Variants in ANXA7 observed in about 807,000 individuals in gnomAD.
ANXA7 encodes the protein annexin VII.
In ANXA7, 55 loss-of-function variants were observed where a neutral mutation model predicts 64.9. The ratio of observed to expected loss-of-function variants is 0.85; its 90% CI spans 0.68 to 1.06. The LOEUF (loss-of-function observed/expected upper bound fraction) is 1.06. Among genes scored for constraint, ANXA7 ranks in the 50% least tolerant of loss-of-function variants. The pLI, the probability that ANXA7 is intolerant of heterozygous loss-of-function variation, is 0.00. For missense variants in ANXA7, 548 were observed against 582.1 expected, an observed-to-expected ratio of 0.94 and a Z score of 0.60; for synonymous variants, 200 against 192.4, an observed-to-expected ratio of 1.04 and a Z score of -0.33.
chr10:73,385,579 GT>G (rs1213479979), intron 7 of ANXA7, among the ~76,000 whole-genome samples: 11 of 152,214 alleles, frequency 7.2e-5, no homozygotes, highest in Non-Finnish European at 1.5e-4. Flanking sequence ...GAAAAACAGT[GT>G]TTTACTAATT....
chr10:73,391,719 G>C (rs2055486364), intron 5 of ANXA7, among the ~76,000 whole-genome samples: 3 of 152,094 alleles, frequency 2.0e-5, no homozygotes, highest in Admixed American at 6.5e-5. Context: ...TCCCATCTAA[G>C]ACAAAAATTT....
At chr10:73,396,064 A>T (rs2055568193) in intron 5 of ANXA7, 1 of 1,595,164 alleles carries the variant, frequency 6.3e-7, no homozygotes, top group Admixed American at 1.7e-5. Context: ...TAATCCAAAG[A>T]AACAGGAGAG....
At chr10:73,397,726 G>A (rs565905650) in intron 3 of ANXA7, among the ~76,000 whole-genome samples, 9 of 152,228 alleles carry the variant, frequency 5.9e-5, no homozygotes, top group Admixed American at 2.0e-4. Context: ...CCAAAGTGTC[G>A]GGATTACAGG....
At chr10:73,383,375 A>G (rs1445212001) in intron 8 of ANXA7, 30 bp from the exon 9 acceptor site, 1 of 1,568,266 alleles carries the variant, frequency 6.4e-7, no homozygotes, top group East Asian at 2.3e-5. Flanking sequence ...GATTATACAA[A>G]GAAAAATGAA....
chr10:73,390,980 G>A (rs11000638), intron 5 of ANXA7, among the ~76,000 whole-genome samples: 15,795 of 150,960 alleles, frequency 0.1, 1,189 homozygotes, highest in East Asian at 0.3. Context: ...GACCATCCTG[G>A]CCAACATGGT....
At chr10:73,387,121 T>C (rs183277549) in intron 7 of ANXA7, among the ~76,000 whole-genome samples, 8 of 152,336 alleles carry the variant, frequency 5.3e-5, no homozygotes, top group Admixed American at 3.3e-4. Flanking sequence ...TTGATCATGA[T>C]TGTAGTTGTG....
intron 5 of ANXA7, among the ~76,000 whole-genome samples, chr10:73,390,699 T>TATATATATATATATATATATAAAA (rs1263872028): frequency 2.8e-4 from 37 of 132,582 alleles, no homozygotes; most frequent in Admixed American, 1.6e-3. Context: ...GTAAAATATA[T>TATATATATATATATATATATAAAA]ATATATATAT....
At chr10:73,385,331 T>G (rs1343282197) in intron 7 of ANXA7, among the ~76,000 whole-genome samples, 1 of 152,152 alleles carries the variant, frequency 6.6e-6, no homozygotes, top group Non-Finnish European at 1.5e-5. Context: ...ACAAAGAAGC[T>G]ATAGATGAAA....
intron 9 of ANXA7, 67 bp from the exon 10 acceptor site, chr10:73,380,268 T>C (rs1297272415): frequency 2.7e-6 from 4 of 1,472,988 alleles, no homozygotes; most frequent in Middle Eastern, 1.8e-4. Flanking sequence ...TTTTTTCCAA[T>C]CTAGTTCACT....
chr10:73,396,610 A>G (rs756943305), intron 4 of ANXA7, 27 bp from the exon 5 acceptor site: 4 of 1,442,244 alleles, frequency 2.8e-6, no homozygotes, highest in Non-Finnish European at 3.9e-6. Context: ...AATAATAATA[A>G]TACGGCAACA....
At chr10:73,393,369 A>T (rs1376474298) in intron 5 of ANXA7, among the ~76,000 whole-genome samples, 1 of 152,192 alleles carries the variant, frequency 6.6e-6, no homozygotes, top group Admixed American at 6.5e-5. Context: ...TTTAAAGTTC[A>T]TATGGAACCA....
intron 1 of ANXA7, among the ~76,000 whole-genome samples, chr10:73,401,645 G>T (rs565092156): frequency 6.6e-6 from 1 of 152,100 alleles, no homozygotes; most frequent in African/African-American, 2.4e-5. Flanking sequence ...GATTACAGGC[G>T]TCTGCCACCA....
intron 5 of ANXA7, chr10:73,396,025 A>G (rs1265836822): frequency 1.3e-6 from 2 of 1,507,986 alleles, no homozygotes; most frequent in East Asian, 2.3e-5. Context: ...ATTAGTAAAC[A>G]TTAGAAAACC....
intron 11 of ANXA7, among the ~76,000 whole-genome samples, chr10:73,379,505 T>C (rs892384845): frequency 2.6e-5 from 4 of 152,234 alleles, no homozygotes; most frequent in Non-Finnish European, 5.9e-5. Flanking sequence ...TTTTGAGGAC[T>C]CAAACTGCTT....
intron 1 of ANXA7, among the ~76,000 whole-genome samples, chr10:73,407,587 G>T (rs776513738): frequency 6.6e-6 from 1 of 152,130 alleles, no homozygotes; most frequent in Admixed American, 6.5e-5. Context: ...ATATGTTTTG[G>T]CACTTTTCAT....
intron 5 of ANXA7, among the ~76,000 whole-genome samples, chr10:73,389,184 T>C (rs773663153): frequency 2.6e-5 from 4 of 152,188 alleles, no homozygotes; most frequent in Non-Finnish European, 5.9e-5. Flanking sequence ...CAAAAAGGCA[T>C]GACCTGGATT....
intron 5 of ANXA7, among the ~76,000 whole-genome samples, chr10:73,393,089 A>C (rs1306612225): frequency 6.6e-6 from 1 of 152,092 alleles, no homozygotes; most frequent in Non-Finnish European, 1.5e-5. Flanking sequence ...TCATGAGTGA[A>C]CTCCCACTCA....
intron 5 of ANXA7, among the ~76,000 whole-genome samples, chr10:73,394,119 A>G (rs1306428760): frequency 6.6e-6 from 1 of 152,244 alleles, no homozygotes; most frequent in Non-Finnish European, 1.5e-5. Flanking sequence ...AATGCTCATC[A>G]TCACTGGCCA....
At chr10:73,385,079 T>C (rs1030041954) in intron 7 of ANXA7, among the ~76,000 whole-genome samples, 1 of 152,200 alleles carries the variant, frequency 6.6e-6, no homozygotes, top group Admixed American at 6.5e-5. Context: ...GAATTACTCG[T>C]ATAGAGCCAA....
Sources: gnomAD v4.1 joint callset for allele counts (sites outside exome capture counted in the v4.1 genomes callset) on GRCh38, gnomAD v4.1.1 for gene constraint, MANE v1.5 for transcripts, NCBI Gene and HGNC (gene_info 2026-07-23, HGNC 2026-07-21) for gene names.